C19orf18: variants seen among roughly 807,000 people sequenced by gnomAD.
C19orf18 encodes uncharacterized protein C19orf18.
In C19orf18, 21 loss-of-function variants were observed where a neutral mutation model predicts 23.3. The ratio of observed to expected loss-of-function variants is 0.90; its 90% CI spans 0.64 to 1.30. The LOEUF (loss-of-function observed/expected upper bound fraction) is 1.30. Ranked by LOEUF, C19orf18 falls within the 50% of genes most tolerant of loss-of-function variation. The pLI, the probability that C19orf18 is intolerant of heterozygous loss-of-function variation, is 0.00. For missense variants in C19orf18, 249 were observed against 259.6 expected, an observed-to-expected ratio of 0.96 and a Z score of 0.28; for synonymous variants, 96 against 95.2, an observed-to-expected ratio of 1.01 and a Z score of -0.05.
intron 3 of C19orf18, among the ~76,000 whole-genome samples, chr19:57,969,566 G>GAAAAAAAAAAA (rs59100128): frequency 1.4e-3 from 64 of 46,504 alleles, no homozygotes; most frequent in East Asian, 2.5e-3. Context: ...AAAAAAAACA[G>GAAAAAAAAAAA]AAAAAAAAAA....
chr19:57,966,459 C>T (rs1004468830), intron 4 of C19orf18, 71 bp downstream of exon 4: 3 of 956,458 alleles, frequency 3.1e-6, no homozygotes, highest in East Asian at 4.9e-5. Flanking sequence ...CATCCTTTGA[C>T]ATTAAATAAT....
At chr19:57,958,759 G>C (rs1305766125) in intron 5 of C19orf18, 42 bp from the exon 6 acceptor site, 5 of 1,190,796 alleles carry the variant, frequency 4.2e-6, no homozygotes, top group Non-Finnish European at 5.9e-6. Flanking sequence ...TAATAAGTGA[G>C]GAATAAAAAT....
chr19:57,966,767 TTTTTTG>T (rs2072911489), intron 3 of C19orf18, 135 bp from the exon 4 acceptor site: 1 of 620,750 alleles, frequency 1.6e-6, no homozygotes, highest in African/African-American at 1.8e-5. Flanking sequence ...TGTTTTGTTT[TTTTTTG>T]TTTTGTTTTC....
At chr19:57,965,849 A>G (rs150960812) in intron 4 of C19orf18, among the ~76,000 whole-genome samples, 44 of 152,314 alleles carry the variant, frequency 2.9e-4, no homozygotes, top group Admixed American at 7.2e-4. Context: ...ATTTTTGATC[A>G]TGACTCCCAG....
intron 2 of C19orf18, among the ~76,000 whole-genome samples, chr19:57,972,815 C>A (rs1319484033): frequency 6.6e-6 from 1 of 152,024 alleles, no homozygotes; most frequent in Non-Finnish European, 1.5e-5. Context: ...GAAATCTCTG[C>A]CCAAATTAAG....
chr19:57,972,287 T>G (rs1413773356), intron 3 of C19orf18, among the ~76,000 whole-genome samples, 176 bp downstream of exon 3: 1 of 152,228 alleles, frequency 6.6e-6, no homozygotes, highest in Non-Finnish European at 1.5e-5. Context: ...CCTTCTCACC[T>G]GCCCCAAGCG....
At chr19:57,970,064 G>A (rs1396778162) in intron 3 of C19orf18, among the ~76,000 whole-genome samples, 1 of 152,144 alleles carries the variant, frequency 6.6e-6, no homozygotes, top group Admixed American at 6.6e-5. Context: ...GAATTACAGT[G>A]TAGTTTTATG....
chr19:57,974,157 T>A lies in C19orf18; in HGVS notation c.168A>T (p.Lys56Asn). Residue 56 changes from lysine (K) to asparagine (N), a missense_variant, in exon 2 of 6, where the codon AAA (lysine) becomes AAT (asparagine). Lys to Asn is a moderately conservative substitution (Grantham distance 94). Transcript: ENST00000314391. ...GCAACTGGGTTTTATGAAAGAACAC[T>A]TTGGGCTCTTTGGTGATGTTTCTGG... The part of the protein sequence containing the change: ...QPPRNITKEP[K>N]VFFHKTQLPG... The A allele has an allele frequency of 6.2e-7, 1 of 1,614,078 alleles. No individual in the cohort carries two copies. Among genetic ancestry groups the A allele is most frequent in the Non-Finnish European group, 8.5e-7 (1 of 1,180,002 alleles).
Position 57,974,212 on chromosome 19 carries a change from G to T in C19orf18, c.122-9C>A, listed in dbSNP as rs532880945. On this transcript the variant is annotated splice_polypyrimidine_tract_variant and intron_variant, in intron 1 of 5. Coordinates refer to ENST00000314391, the MANE Select transcript of C19orf18 (RefSeq NM_152474.5). ...TTGTGACCGTTTACTGCCTTGAAAA[G>T]AAAACTTTTTGCGGTGAAATGTAAT... 4.3e-6 allele frequency: 7 copies of T among 1,613,714 alleles called. No homozygotes were observed. In the African/African-American group the frequency reaches 8.0e-5, roughly 18 times the overall value.
chr19:57,961,002 G>A (rs1051047790), intron 5 of C19orf18, among the ~76,000 whole-genome samples: 6 of 152,098 alleles, frequency 3.9e-5, no homozygotes, highest in Non-Finnish European at 7.4e-5. Context: ...CCGAGCGTTG[G>A]TGGTATAGTG....
At chr19:57,968,596 G>A (rs1056104009) in intron 3 of C19orf18, among the ~76,000 whole-genome samples, 10 of 152,104 alleles carry the variant, frequency 6.6e-5, no homozygotes, top group African/African-American at 2.4e-4. Flanking sequence ...AGAATACATT[G>A]AGATATTTAC....
rs770583319 is a variant in C19orf18 at position 57,958,616 on chromosome 19, TTTTTCCA to T, written c.627_633del (p.Asn209LysfsTer58). On this transcript the variant is annotated frameshift_variant, in exon 6 of 6. Transcript: ENST00000314391. LOFTEE classifies it high-confidence loss of function. ...GTCGTCTGCGTTCACAAGTCTTCCA[TTTTTCCA>T]TTATGTGACGCATTCTTTGTTTTGT... 6.2e-7 allele frequency: 1 copy of T among 1,603,216 alleles called. No homozygotes were observed. Among genetic ancestry groups the T allele is most frequent in the Admixed American group, 1.7e-5 (1 of 58,550 alleles).
intron 4 of C19orf18, 32 bp from the exon 5 acceptor site, chr19:57,961,583 C>T: frequency 6.5e-7 from 1 of 1,530,776 alleles, no homozygotes; most frequent in Non-Finnish European, 8.7e-7. Flanking sequence ...TTTAGAAGCA[C>T]AGTTTTCATG....
At chr19:57,970,415 T>G (rs923512843) in intron 3 of C19orf18, among the ~76,000 whole-genome samples, 1 of 152,210 alleles carries the variant, frequency 6.6e-6, no homozygotes, top group African/African-American at 2.4e-5. Context: ...TTCTCCTCTT[T>G]GGAAATGCTG....
chr19:57,971,249 G>T (rs2072942586), intron 3 of C19orf18, among the ~76,000 whole-genome samples: 3 of 151,980 alleles, frequency 2.0e-5, no homozygotes, highest in African/African-American at 7.3e-5. Context: ...AGTAAACCCT[G>T]GCCTGCAAGT....
chr19:57,969,770 G>T (rs1380977784), intron 3 of C19orf18, among the ~76,000 whole-genome samples: 1 of 150,490 alleles, frequency 6.6e-6, no homozygotes, highest in African/African-American at 2.5e-5. Flanking sequence ...GCGGGGCATG[G>T]TAATGGGTGC....
At position 57,960,964 on chromosome 19, in the gene C19orf18, G is replaced by C. The variant is rs541139615; in HGVS notation, c.532+427C>G. 2.0e-3 allele frequency among the ~76,000 whole-genome samples: 312 copies of C among 152,282 alleles called. 1 individual carries two copies. The highest frequency in any genetic ancestry group is 3.1e-3 in the Non-Finnish European group (212 of 68,028). On this transcript the variant is annotated intron_variant, in intron 5 of 5. Transcript: ENST00000314391. ...GGAGGCCGAGGCGGGCGGATCACGAGGTCAGGAGATCGAGACCATCCTGGC... is the reference window on the plus strand; with the variant it reads ...GGAGGCCGAGGCGGGCGGATCACGACGTCAGGAGATCGAGACCATCCTGGC...
At chr19:57,972,675 G>A (rs1568569139) in intron 2 of C19orf18, among the ~76,000 whole-genome samples, 171 bp from the exon 3 acceptor site, 1 of 152,202 alleles carries the variant, frequency 6.6e-6, no homozygotes, top group Non-Finnish European at 1.5e-5. Flanking sequence ...GCAGCAATGT[G>A]TGGGTTAATT....
chr19:57,958,782 G>C, intron 5 of C19orf18, 65 bp from the exon 6 acceptor site: 1 of 903,482 alleles, frequency 1.1e-6, no homozygotes, highest in Non-Finnish European at 1.6e-6. Flanking sequence ...AGACAAAAGG[G>C]GTGAGGGAAA....
Sources: gnomAD v4.1 joint callset for allele counts (sites outside exome capture counted in the v4.1 genomes callset) on GRCh38, gnomAD v4.1.1 for gene constraint, MANE v1.5 for transcripts, NCBI Gene and HGNC (gene_info 2026-07-23, HGNC 2026-07-21) for gene names.